Variants in CACNA1H observed in about 807,000 individuals in gnomAD.
CACNA1H encodes the protein voltage-dependent T-type calcium channel subunit alpha-1H.
Under a neutral mutation model 192.5 loss-of-function variants are expected in CACNA1H, and 149 were observed. The observed-to-expected ratio is 0.77, with a 90% CI of 0.68 to 0.89. The LOEUF is 0.89. Among genes scored for constraint, CACNA1H ranks in the 40% least tolerant of loss-of-function variants. The probability of loss-of-function intolerance (pLI) is 0.00; values close to 1 mark genes in which losing one functional copy is unlikely to be tolerated. For missense variants in CACNA1H, 4,257 were observed against 3,423.5 expected, an observed-to-expected ratio of 1.24 and a Z score of -6.08; for synonymous variants, 2,202 against 1,475.2, an observed-to-expected ratio of 1.49 and a Z score of -11.29.
At chr16:1,211,405 C>A in intron 22 of CACNA1H, 76 bp from the exon 23 acceptor site, 1 of 1,607,464 alleles carries the variant, frequency 6.2e-7, no homozygotes, top group South Asian at 1.1e-5. Context: ...GCTCGGGCCT[C>A]ACTCGCGCCC....
chr16:1,196,720 T>C (rs72775437), intron 5 of CACNA1H, among the ~76,000 whole-genome samples: 2,115 of 151,978 alleles, frequency 0.014, 22 homozygotes, highest in South Asian at 0.027. Flanking sequence ...GTGCGCTGGG[T>C]GTGAGGGGAG....
At chr16:1,203,722 C>T (rs1442711868) in intron 9 of CACNA1H, among the ~76,000 whole-genome samples, 2 of 152,170 alleles carry the variant, frequency 1.3e-5, no homozygotes, top group Non-Finnish European at 2.9e-5. Context: ...GTCGACACGT[C>T]CCTGCGGTCT....
At chr16:1,198,857 C>G (rs1967330310) in intron 6 of CACNA1H, 83 bp downstream of exon 6, 1 of 1,362,876 alleles carries the variant, frequency 7.3e-7, no homozygotes, top group Admixed American at 2.1e-5. Context: ...GCTCCACCGC[C>G]CCACGTGGCT....
rs552549105 is a variant in CACNA1H at position 1,204,181 on chromosome 16, G to A, written c.2174G>A (p.Arg725His). The change falls in exon 10 of 35, where the codon CGT becomes CAT. Residue 725 changes from arginine (R) to histidine (H), a missense_variant. By Grantham distance (29) the Arg-to-His change is conservative. Transcript: ENST00000348261. ...TCGGAAAGTGGAGACTCAGATGGCC[G>A]TGGCGTCTATGAATTCACGCAGGAC... ...SGSESGDSDG[R>H]GVYEFTQDVR... 16 of 1,612,316 alleles carry A rather than the reference G, an allele frequency of 9.9e-6. No individual in the cohort carries two copies. The African/African-American group carries it at 1.1e-4, about 11-fold the overall frequency.
intron 2 of CACNA1H, among the ~76,000 whole-genome samples, chr16:1,169,653 G>A (rs1242563231): frequency 6.6e-6 from 1 of 152,244 alleles, no homozygotes. Context: ...AGATCAGGGA[G>A]GCCCCAGCCC....
intron 2 of CACNA1H, among the ~76,000 whole-genome samples, chr16:1,166,861 T>C (rs903484181): frequency 2.0e-5 from 3 of 152,214 alleles, no homozygotes; most frequent in African/African-American, 7.2e-5. Context: ...CCTTTGCTGC[T>C]GTTCATGGCG....
At chr16:1,195,332 G>C (rs1489081785) in intron 3 of CACNA1H, 100 bp from the exon 4 acceptor site, 6 of 1,464,522 alleles carry the variant, frequency 4.1e-6, no homozygotes, top group Non-Finnish European at 5.5e-6. Flanking sequence ...GGGGCGAGGG[G>C]TGTGGCAAGA....
At chr16:1,191,842 G>A (rs1037005108) in intron 2 of CACNA1H, among the ~76,000 whole-genome samples, 3 of 143,126 alleles carry the variant, frequency 2.1e-5, no homozygotes, top group East Asian at 2.1e-4. Context: ...TGGCCTGGTT[G>A]TGTGGCCTCA....
intron 27 of CACNA1H, 118 bp downstream of exon 27, chr16:1,214,049 G>C: frequency 2.3e-6 from 2 of 860,224 alleles, no homozygotes; most frequent in South Asian, 3.1e-5. Flanking sequence ...GGTTTGCGTG[G>C]GGATGTGGGG....
intron 2 of CACNA1H, among the ~76,000 whole-genome samples, chr16:1,190,516 G>T (rs1211014047): frequency 1.4e-5 from 2 of 146,184 alleles, no homozygotes; most frequent in Non-Finnish European, 3.0e-5. Flanking sequence ...AGAGCCCCAG[G>T]GGGGCACTGG....
At chr16:1,160,209 C>G (rs962663562) in intron 2 of CACNA1H, 1 of 152,198 alleles carries the variant, frequency 6.6e-6, no homozygotes, top group African/African-American at 2.4e-5. Flanking sequence ...CGGGGACTGT[C>G]CCTGCCTGTC....
chr16:1,219,972 C>G lies in CACNA1H; in HGVS notation c.6049-9C>G. The G allele has an allele frequency of 7.7e-7, 1 of 1,296,932 alleles. No individual in the cohort carries two copies. The highest frequency in any genetic ancestry group is 9.8e-7 in the Non-Finnish European group (1 of 1,017,230). 80.3% of individuals were successfully genotyped at this position (1,296,932 alleles called of 1,614,324 possible). On this transcript the variant is annotated splice_polypyrimidine_tract_variant and intron_variant, in intron 34 of 34. Coordinates refer to ENST00000348261, the MANE Select transcript of CACNA1H (RefSeq NM_021098.3). Reference sequence around the variant, plus strand: ...CCCCGCCCCTCACTTTGACTCTACGCCCCCACAGGAGGCTGTGCACACCGA... The same window carrying G: ...CCCCGCCCCTCACTTTGACTCTACGGCCCCACAGGAGGCTGTGCACACCGA...
At position 1,221,566 on chromosome 16, in the gene CACNA1H, C is replaced by A; in HGVS notation, c.*572C>A. ...GGTGACACCTCACTAAGGGGCCGAC[C>A]CCATGGAGTAACGCGCCCGGCCCCG... is the stretch of plus-strand genomic sequence containing the variant. On this transcript the variant is annotated 3_prime_UTR_variant, in exon 35 of 35. Transcript: ENST00000348261. 1 of 552,356 alleles carries A rather than the reference C, an allele frequency of 1.8e-6. No individual in the cohort carries two copies. The highest frequency in any genetic ancestry group is 3.5e-5 in the Admixed American group (1 of 28,206). The allele number at this position is 552,356 out of a possible 1,614,324, so 34.2% of individuals were successfully genotyped here.
In CACNA1H at chr16:1,204,367, G is replaced by C. The variant is rs368917321; in HGVS notation, c.2360G>C (p.Arg787Pro). ...RLWVTFSGKL[R>P]RIVDSKYFSR... ...TGGGTTACCTTCAGCGGCAAGCTGC[G>C]CCGCATCGTGGACAGCAAGTACTTC... is the stretch of plus-strand genomic sequence containing the variant. The change falls in exon 10 of 35, where the codon CGC becomes CCC. Residue 787 changes from arginine to proline, a missense_variant. Physicochemically the swap from Arg to Pro is moderately radical, Grantham distance 103 (BLOSUM62 -2). Coordinates refer to ENST00000348261, the MANE Select transcript of CACNA1H (RefSeq NM_021098.3). 1.3e-6 allele frequency: 2 copies of C among 1,571,834 alleles called. No homozygotes were observed. Among genetic ancestry groups the C allele is most frequent in the Middle Eastern group, 1.7e-4 (1 of 5,854 alleles).
chr16:1,153,668 G>C, intron 1 of CACNA1H, 52 bp from the exon 2 acceptor site: 1 of 1,102,342 alleles, frequency 9.1e-7, no homozygotes, highest in Non-Finnish European at 1.1e-6. Context: ...CGCCGCGGGA[G>C]GCAGGGCGGG....
Position 1,153,742 on chromosome 16 carries a change from C to T in CACNA1H, c.5C>T (p.Thr2Ile), listed in dbSNP as rs1335993092. ...CAGGTGCTGCCGGCCGCCACCATGA[C>T]CGAGGGCGCACGGGCCGCCGACGAG... M[T>I]EGARAADEVR... Residue 2 changes from threonine to isoleucine, a missense_variant, in exon 2 of 35, where the codon ACC becomes ATC. Physicochemically the swap from Thr to Ile is moderately conservative, Grantham distance 89 (BLOSUM62 -1). Transcript: ENST00000348261. The T allele has an allele frequency of 1.7e-6, 2 of 1,209,800 alleles. No homozygotes were observed. Among genetic ancestry groups the T allele is most frequent in the South Asian group, 3.7e-5 (1 of 26,944 alleles). The allele number at this position is 1,209,800 out of a possible 1,614,324, so 74.9% of individuals were successfully genotyped here.
chr16:1,217,785 C>T, intron 31 of CACNA1H, 134 bp from the exon 32 acceptor site: 3 of 1,249,224 alleles, frequency 2.4e-6, no homozygotes, highest in Non-Finnish European at 3.3e-6. Flanking sequence ...GGGCGAACCG[C>T]CAGGGCCTCG....
intron 2 of CACNA1H, among the ~76,000 whole-genome samples, chr16:1,184,373 C>T (rs1965773034): frequency 6.6e-6 from 1 of 152,254 alleles, no homozygotes; most frequent in African/African-American, 2.4e-5. Flanking sequence ...GTGAATGGGG[C>T]CAGCAGCCCC....
At chr16:1,199,200 C>T (rs1449390889) in intron 6 of CACNA1H, among the ~76,000 whole-genome samples, 1 of 55,038 alleles carries the variant, frequency 1.8e-5, no homozygotes, top group Non-Finnish European at 3.5e-5. Flanking sequence ...ACCCACCGTG[C>T]GGTCGCTGCA....
Sources: gnomAD v4.1 joint callset for allele counts (sites outside exome capture counted in the v4.1 genomes callset) on GRCh38, gnomAD v4.1.1 for gene constraint, MANE v1.5 for transcripts, NCBI Gene and HGNC (gene_info 2026-07-23, HGNC 2026-07-21) for gene names.